Variants in NR5A2 observed in about 807,000 individuals in gnomAD.
NR5A2 encodes nuclear receptor subfamily 5 group A member 2, also known as CYP7A promoter-binding factor.
A neutral mutation model predicts 62.7 loss-of-function variants in NR5A2; 26 were observed. The ratio of observed to expected loss-of-function variants is 0.41; its 90% CI spans 0.30 to 0.58. The LOEUF (loss-of-function observed/expected upper bound fraction) is 0.58. NR5A2 is among the 20% of genes least tolerant of loss of function. NR5A2 has a pLI of 0.22. For synonymous variants in NR5A2, 246 were observed against 241.7 expected, an observed-to-expected ratio of 1.02 and a Z score of -0.16; for missense variants, 541 against 669.1, an observed-to-expected ratio of 0.81 and a Z score of 2.11.
chr1:200,110,293 C>T (rs188893773), intron 5 of NR5A2, among the ~76,000 whole-genome samples: 73 of 152,140 alleles, frequency 4.8e-4, no homozygotes, highest in African/African-American at 1.4e-3. Context: ...GGTTTTTGTC[C>T]GGTAAACATC....
At chr1:200,172,419 C>T (rs755705530) in intron 7 of NR5A2, among the ~76,000 whole-genome samples, 10 of 152,124 alleles carry the variant, frequency 6.6e-5, no homozygotes, top group African/African-American at 1.2e-4. Flanking sequence ...TAAATGCCAC[C>T]GGAAGACTCA....
intron 7 of NR5A2, among the ~76,000 whole-genome samples, chr1:200,141,400 C>A (rs938845110): frequency 2.0e-5 from 3 of 152,120 alleles, no homozygotes; most frequent in African/African-American, 7.2e-5. Context: ...TTTCACTCAG[C>A]AATATTCCCC....
chr1:200,108,217 C>A (rs1288377693), intron 5 of NR5A2, among the ~76,000 whole-genome samples: 3 of 151,860 alleles, frequency 2.0e-5, no homozygotes, highest in Non-Finnish European at 4.4e-5. Flanking sequence ...CCTCAGCCTC[C>A]GGAGTAGCAG....
At chr1:200,086,706 G>A (rs906460849) in intron 5 of NR5A2, among the ~76,000 whole-genome samples, 1 of 152,202 alleles carries the variant, frequency 6.6e-6, no homozygotes, top group African/African-American at 2.4e-5. Flanking sequence ...CTCAACAAAT[G>A]TGAGTCCTCT....
At chr1:200,140,459 A>T (rs749717598) in intron 7 of NR5A2, among the ~76,000 whole-genome samples, 2 of 152,188 alleles carry the variant, frequency 1.3e-5, no homozygotes, top group Non-Finnish European at 2.9e-5. Context: ...TAAAATTAAG[A>T]TTGACATCTT....
At chr1:200,047,192 C>T (rs1400203093) in intron 4 of NR5A2, among the ~76,000 whole-genome samples, 1 of 152,144 alleles carries the variant, frequency 6.6e-6, no homozygotes, top group African/African-American at 2.4e-5. Flanking sequence ...TAGTCATGGC[C>T]GCAGACTCCA....
chr1:200,061,335 ATGGCGTGATCT>A (rs944417186), intron 5 of NR5A2, among the ~76,000 whole-genome samples: 1 of 144,908 alleles, frequency 6.9e-6, no homozygotes, highest in Non-Finnish European at 1.5e-5. Flanking sequence ...CTGGAGTGTA[ATGGCGTGATCT>A]TGGCTCACTG....
intron 5 of NR5A2, among the ~76,000 whole-genome samples, chr1:200,092,128 G>C (rs1571458546): frequency 6.6e-6 from 1 of 151,786 alleles, no homozygotes; most frequent in East Asian, 1.9e-4. Context: ...GAAGCCATTA[G>C]TAGGGTTTCC....
Position 200,048,112 on chromosome 1 carries a change from G to A in NR5A2, c.464-60G>A, listed in dbSNP as rs1341729656. 2 of 1,405,222 alleles carry A rather than the reference G, an allele frequency of 1.4e-6. No individual in the cohort carries two copies. Among genetic ancestry groups the A allele is most frequent in the Non-Finnish European group, 9.7e-7 (1 of 1,030,126 alleles). 87.0% of individuals were successfully genotyped at this position (1,405,222 alleles called of 1,614,324 possible). ...TTACATTTCTAAATATCTGAAGAATGCTAATAATTTGCACCTTATTTATAC... is the reference window on the plus strand; with the variant it reads ...TTACATTTCTAAATATCTGAAGAATACTAATAATTTGCACCTTATTTATAC... On this transcript the variant is annotated intron_variant, in intron 4 of 7. Coordinates refer to ENST00000367362, the MANE Select transcript of NR5A2 (RefSeq NM_205860.3). This position sits in a 1 kb window ranked among gnomAD's most constrained non-coding sequence, Gnocchi z 4.8.
At chr1:200,154,953 A>G (rs1195558447) in intron 7 of NR5A2, among the ~76,000 whole-genome samples, 1 of 152,212 alleles carries the variant, frequency 6.6e-6, no homozygotes, top group East Asian at 1.9e-4. Flanking sequence ...CCAGCCTCCA[A>G]GGAGGGGTGG....
chr1:200,100,468 T>G (rs1402269383), intron 5 of NR5A2, among the ~76,000 whole-genome samples: 2 of 152,220 alleles, frequency 1.3e-5, no homozygotes, highest in African/African-American at 2.4e-5. Flanking sequence ...TGCCCAGGTC[T>G]CTGAGCTCCA....
At chr1:200,061,530 C>T (rs755386212) in intron 5 of NR5A2, among the ~76,000 whole-genome samples, 7 of 152,024 alleles carry the variant, frequency 4.6e-5, no homozygotes, top group Non-Finnish European at 7.4e-5. Flanking sequence ...CGCCCACCTC[C>T]GCCTCCCAAA....
intron 7 of NR5A2, among the ~76,000 whole-genome samples, chr1:200,133,507 A>C (rs1389269671): frequency 9.6e-6 from 1 of 104,412 alleles, no homozygotes; most frequent in African/African-American, 4.6e-5. Context: ...CTGATGGACT[A>C]TATATATATA....
At chr1:200,092,094 T>C (rs1664845632) in intron 5 of NR5A2, among the ~76,000 whole-genome samples, 1 of 152,206 alleles carries the variant, frequency 6.6e-6, no homozygotes, top group Admixed American at 6.5e-5. Flanking sequence ...TGTATCTCTC[T>C]GAACTTTTTT....
At chr1:200,109,924 C>T (rs1469223662) in intron 5 of NR5A2, among the ~76,000 whole-genome samples, 2 of 152,044 alleles carry the variant, frequency 1.3e-5, no homozygotes, top group African/African-American at 2.4e-5. Context: ...ACAACGATGC[C>T]CAGCTAATTT....
chr1:200,047,248 T>C (rs1458948505), intron 4 of NR5A2, among the ~76,000 whole-genome samples: 1 of 152,214 alleles, frequency 6.6e-6, no homozygotes, highest in Non-Finnish European at 1.5e-5. Flanking sequence ...CTGAAATGAA[T>C]TTGTTTTAAT....
chr1:200,032,535 C>T (rs1158305611), intron 1 of NR5A2, among the ~76,000 whole-genome samples: 1 of 152,094 alleles, frequency 6.6e-6, no homozygotes, highest in African/African-American at 2.4e-5. Flanking sequence ...TTTGTCAAGC[C>T]CTGCAAGACA....
intron 5 of NR5A2, among the ~76,000 whole-genome samples, chr1:200,071,975 G>A (rs1210084880): frequency 6.6e-6 from 1 of 152,140 alleles, no homozygotes; most frequent in Non-Finnish European, 1.5e-5. Context: ...GATAGATATG[G>A]AATGCTGGTT....
At chr1:200,161,994 C>G (rs1031502544) in intron 7 of NR5A2, among the ~76,000 whole-genome samples, 13 of 152,084 alleles carry the variant, frequency 8.5e-5, no homozygotes, top group Admixed American at 2.6e-4. Context: ...AACCAGTAAC[C>G]GGAGAATCCA....
Sources: gnomAD v4.1 joint callset for allele counts (sites outside exome capture counted in the v4.1 genomes callset) on GRCh38, gnomAD v4.1.1 for gene constraint, Gnocchi (gnomAD v3.1) non-coding constraint, MANE v1.5 for transcripts, NCBI Gene and HGNC (gene_info 2026-07-23, HGNC 2026-07-21) for gene names.